CLASP1: variants seen among roughly 807,000 people sequenced by gnomAD.
CLASP1 encodes CLIP-associating protein 1.
Under a neutral mutation model 192.3 loss-of-function variants are expected in CLASP1, and 38 were observed. That is an observed-to-expected ratio of 0.20 (90% CI 0.15 to 0.26). The LOEUF is 0.26. CLASP1 is among the 10% of genes least tolerant of loss of function. CLASP1 has a pLI of 1.00. For missense variants in CLASP1, 1,433 were observed against 1,932.5 expected, an observed-to-expected ratio of 0.74 and a Z score of 4.85; for synonymous variants, 691 against 712.8, an observed-to-expected ratio of 0.97 and a Z score of 0.49.
intron 8 of CLASP1, among the ~76,000 whole-genome samples, chr2:121,488,424 C>A (rs1488115091): frequency 1.3e-5 from 2 of 152,222 alleles, no homozygotes; most frequent in African/African-American, 4.8e-5. Flanking sequence ...TGAAGGTGGA[C>A]AGCCATGCTG....
At chr2:121,550,464 A>T (rs980919985) in intron 2 of CLASP1, among the ~76,000 whole-genome samples, 3 of 151,556 alleles carry the variant, frequency 2.0e-5, no homozygotes, top group Non-Finnish European at 4.4e-5. Flanking sequence ...GGGAGGTTTT[A>T]AAAAAAAATT....
At chr2:121,497,841 T>C (rs1189949687) in intron 8 of CLASP1, among the ~76,000 whole-genome samples, 1 of 151,954 alleles carries the variant, frequency 6.6e-6, no homozygotes, top group Non-Finnish European at 1.5e-5. Flanking sequence ...TGCCCCAGCC[T>C]CCCGAATAGC....
chr2:121,386,652 C>T (rs2073255051), intron 32 of CLASP1, among the ~76,000 whole-genome samples: 1 of 152,180 alleles, frequency 6.6e-6, no homozygotes, highest in African/African-American at 2.4e-5. Context: ...AATCACAGTC[C>T]TTCAGAGCAG....
intron 15 of CLASP1, 139 bp from the exon 16 acceptor site, chr2:121,451,129 C>T: frequency 3.2e-6 from 2 of 629,132 alleles, no homozygotes; most frequent in Admixed American, 3.0e-5. Flanking sequence ...TCCCACGTGG[C>T]TGGGCAAAGC....
chr2:121,405,026 G>C (rs185791321), intron 25 of CLASP1, among the ~76,000 whole-genome samples: 1 of 152,132 alleles, frequency 6.6e-6, no homozygotes, highest in Non-Finnish European at 1.5e-5. Context: ...AAGGTACTCT[G>C]GGCCAGGGGC....
At chr2:121,443,279 G>GA (rs11449320) in intron 19 of CLASP1, among the ~76,000 whole-genome samples, 19,275 of 136,916 alleles carry the variant, frequency 0.14, 1,645 homozygotes, top group African/African-American at 0.26. Context: ...GGAACTGGTG[G>GA]AAAAAAAAAA....
chr2:121,533,903 C>T (rs2094966623), intron 2 of CLASP1, among the ~76,000 whole-genome samples: 1 of 152,204 alleles, frequency 6.6e-6, no homozygotes, highest in African/African-American at 2.4e-5. Context: ...TAGATGAGTT[C>T]TCAAGGTCCA....
chr2:121,513,437 T>A (rs7589298), intron 7 of CLASP1, among the ~76,000 whole-genome samples: 2,330 of 152,180 alleles, frequency 0.015, 50 homozygotes, highest in East Asian at 0.11. Flanking sequence ...ATTTTATTTT[T>A]TTTTTTTAAA....
intron 2 of CLASP1, among the ~76,000 whole-genome samples, chr2:121,551,600 T>C (rs1035309955): frequency 1.2e-4 from 18 of 151,956 alleles, no homozygotes; most frequent in African/African-American, 4.4e-4. Context: ...CCATTCACAA[T>C]TGCCACAAAA....
At chr2:121,461,057 A>T in intron 11 of CLASP1, 44 bp downstream of exon 11, 1 of 1,165,362 alleles carries the variant, frequency 8.6e-7, no homozygotes, top group Non-Finnish European at 1.3e-6. Context: ...GAGATATTTA[A>T]ATACATCTTA....
chr2:121,401,167 T>A (rs2076110448), intron 28 of CLASP1, among the ~76,000 whole-genome samples: 1 of 152,230 alleles, frequency 6.6e-6, no homozygotes, highest in African/African-American at 2.4e-5. Flanking sequence ...TAAGTTGAAG[T>A]AATAAAAATA....
At chr2:121,607,614 T>C (rs2064617013) in intron 1 of CLASP1, among the ~76,000 whole-genome samples, 1 of 152,234 alleles carries the variant, frequency 6.6e-6, no homozygotes, top group African/African-American at 2.4e-5. Flanking sequence ...TCCTTTCATT[T>C]TAAACCAAGA....
chr2:121,485,902 A>G (rs1263127354), intron 8 of CLASP1, among the ~76,000 whole-genome samples: 2 of 152,166 alleles, frequency 1.3e-5, no homozygotes, highest in Non-Finnish European at 2.9e-5. Flanking sequence ...ATTCTCACAA[A>G]GCTGATCATA....
Position 121,631,287 on chromosome 2 carries a change from CTTTTTTTT to C in CLASP1, c.-286+18077_-286+18084del, listed in dbSNP as rs769717647. 3.7e-4 allele frequency among the ~76,000 whole-genome samples: 47 copies of C among 127,596 alleles called. 1 individual carries two copies. Among genetic ancestry groups the C allele is most frequent in the Non-Finnish European group, 1.3e-4 (8 of 59,950 alleles). 83.7% of individuals were successfully genotyped at this position (127,596 alleles called of 152,430 possible). ...ATGTTTCTACGCCATTTTAAAATTACTTTTTTTTTTTTTTTTTTTGAAATGGAGTCTCG... is the reference window on the plus strand; with the variant it reads ...ATGTTTCTACGCCATTTTAAAATTACTTTTTTTTTTTGAAATGGAGTCTCG... On this transcript the variant is annotated intron_variant, in intron 1 of 39. Transcript: ENST00000263710.
chr2:121,603,846 C>T (rs2064092875), intron 2 of CLASP1, among the ~76,000 whole-genome samples: 1 of 152,146 alleles, frequency 6.6e-6, no homozygotes, highest in Non-Finnish European at 1.5e-5. Context: ...TGTTCTCACT[C>T]ATATGTGAAG....
intron 7 of CLASP1, among the ~76,000 whole-genome samples, chr2:121,512,500 T>C (rs1282378955): frequency 6.6e-6 from 1 of 152,208 alleles, no homozygotes; most frequent in Non-Finnish European, 1.5e-5. Flanking sequence ...GGTCAAATAT[T>C]CTATACCTTT....
At chr2:121,619,894 G>T (rs1364178425) in intron 1 of CLASP1, among the ~76,000 whole-genome samples, 1 of 152,054 alleles carries the variant, frequency 6.6e-6, no homozygotes, top group East Asian at 1.9e-4. Context: ...GCATTCCAGG[G>T]TTTGTTATAA....
intron 6 of CLASP1, 56 bp downstream of exon 6, chr2:121,525,789 G>GC: frequency 1.7e-6 from 2 of 1,201,016 alleles, no homozygotes; most frequent in Admixed American, 3.6e-5. Flanking sequence ...ACACCAGAAT[G>GC]CATCTCAACA....
At chr2:121,388,369 T>G (rs1370757765) in intron 30 of CLASP1, among the ~76,000 whole-genome samples, 1 of 152,166 alleles carries the variant, frequency 6.6e-6, no homozygotes, top group Non-Finnish European at 1.5e-5. Flanking sequence ...CTAAGAAACA[T>G]GAGAAAACGA....
Sources: gnomAD v4.1 joint callset for allele counts (sites outside exome capture counted in the v4.1 genomes callset) on GRCh38, gnomAD v4.1.1 for gene constraint, MANE v1.5 for transcripts, NCBI Gene and HGNC (gene_info 2026-07-23, HGNC 2026-07-21) for gene names.